SI: variants seen among roughly 807,000 people sequenced by gnomAD.
SI encodes sucrase-isomaltase, intestinal.
Under a neutral mutation model 253.3 loss-of-function variants are expected in SI, and 235 were observed. The ratio of observed to expected loss-of-function variants is 0.93; its 90% CI spans 0.83 to 1.03. The LOEUF is 1.03. Among genes scored for constraint, SI ranks in the 50% least tolerant of loss-of-function variants. The pLI, the probability that SI is intolerant of heterozygous loss-of-function variation, is 0.00. For missense variants in SI, 2,442 were observed against 2,211.1 expected, an observed-to-expected ratio of 1.10 and a Z score of -2.09; for synonymous variants, 819 against 712.0, an observed-to-expected ratio of 1.15 and a Z score of -2.39.
At chr3:165,048,545 A>G (rs533481710) in intron 15 of SI, among the ~76,000 whole-genome samples, 1 of 129,394 alleles carries the variant, frequency 7.7e-6, no homozygotes, top group South Asian at 2.4e-4. Flanking sequence ...TCTTAGTTAA[A>G]TATATATATA....
At chr3:165,000,852 T>C (rs889674354) in intron 37 of SI, among the ~76,000 whole-genome samples, 7 of 151,432 alleles carry the variant, frequency 4.6e-5, no homozygotes, top group African/African-American at 1.2e-4. Flanking sequence ...CCACTTGACA[T>C]TGGAGAGTTC....
chr3:165,035,494 C>T (rs1712486149), intron 22 of SI, among the ~76,000 whole-genome samples: 1 of 151,362 alleles, frequency 6.6e-6, no homozygotes, highest in African/African-American at 2.4e-5. Context: ...TTATAGAATC[C>T]TGTGGTAATT....
intron 31 of SI, among the ~76,000 whole-genome samples, chr3:165,016,827 G>T (rs769665143): frequency 3.3e-5 from 5 of 151,608 alleles, no homozygotes; most frequent in Non-Finnish European, 5.9e-5. Flanking sequence ...AAATTTCCAC[G>T]TGCATGTTTC....
At chr3:164,994,519 GT>G in intron 40 of SI, 114 bp from the exon 41 acceptor site, 1 of 1,097,964 alleles carries the variant, frequency 9.1e-7, no homozygotes, top group Non-Finnish European at 1.4e-6. Context: ...TGATTGTCAT[GT>G]GCTATGTACT....
chr3:165,063,361 T>A, intron 8 of SI, 81 bp downstream of exon 8: 2 of 715,268 alleles, frequency 2.8e-6, no homozygotes, highest in Non-Finnish European at 5.1e-6. Flanking sequence ...TCACATACAA[T>A]ATGAATGATT....
Position 165,046,904 on chromosome 3 carries a change from T to G in SI, c.1824A>C (p.Ser608=), listed in dbSNP as rs199885741. Residue 608 remains serine (S), a synonymous_variant, in exon 16 of 48, where the codon TCA becomes TCC. Coordinates refer to ENST00000264382, the MANE Select transcript of SI (RefSeq NM_001041.4). ...TTATAGACCATTCCATTTGTTCCCA[T>G]GAAGCAGTATTGTCTCCTAACCAAT... ...AAHWLGDNTA[S]WEQMEWSITG... 2 of 1,613,304 alleles carry G rather than the reference T, an allele frequency of 1.2e-6. No homozygotes were observed. The highest frequency in any genetic ancestry group is 2.7e-5 in the African/African-American group (2 of 75,020).
intron 25 of SI, among the ~76,000 whole-genome samples, chr3:165,026,692 G>A (rs950333026): frequency 6.6e-6 from 1 of 151,284 alleles, no homozygotes; most frequent in African/African-American, 2.4e-5. Context: ...GCAAATACAT[G>A]CAAATTAAAT....
chr3:165,013,027 G>A lies in SI; in HGVS notation c.4015C>T (p.Pro1339Ser), dbSNP rs1203735967. ...AGAGTTTTATCTATTGTTATGTTGG[G>A]CAAATCTGGCCAAACCTACAAGAGA... ...ICWAKVWPDLPNITIDKTLTE... is the reference protein window; with the variant it reads ...ICWAKVWPDLSNITIDKTLTE... Residue 1339 changes from proline to serine, a missense_variant, in exon 34 of 48, where the codon CCC (proline) becomes TCC (serine). By Grantham distance (74) the Pro-to-Ser change is moderately conservative. Transcript: ENST00000264382. 4.4e-6 allele frequency: 7 copies of A among 1,608,700 alleles called. No homozygotes were observed. The highest frequency in any genetic ancestry group is 2.7e-5 in the African/African-American group (2 of 74,750).
At chr3:165,044,594 A>AT (rs1357771695) in intron 16 of SI, among the ~76,000 whole-genome samples, 1 of 151,738 alleles carries the variant, frequency 6.6e-6, no homozygotes, top group African/African-American at 2.4e-5. Flanking sequence ...TCTTTTACTT[A>AT]TTTTTCTATT....
At position 165,059,283 on chromosome 3, in the gene SI, T is replaced by C. The variant is rs748610903; in HGVS notation, c.1163A>G (p.Asp388Gly). The change falls in exon 11 of 48, where the codon GAT (aspartate) becomes GGT (glycine). Residue 388 changes from aspartate to glycine, a missense_variant. Transcript: ENST00000264382. ...AGIPFDTQVTDIDYMEDKKDF... is the reference protein window; with the variant it reads ...AGIPFDTQVTGIDYMEDKKDF... ...TTTCTTGTCTTCCATGTAGTCAATATCAGTGACCTGTGTATCCTGAAAGTT... is the reference window on the plus strand; with the variant it reads ...TTTCTTGTCTTCCATGTAGTCAATACCAGTGACCTGTGTATCCTGAAAGTT... The C allele has an allele frequency of 2.5e-6, 4 of 1,612,526 alleles. No individual in the cohort carries two copies. The Admixed American group carries it at 5.0e-5, about 20-fold the overall frequency.
At chr3:165,002,883 AC>A (rs1718319818) in intron 37 of SI, among the ~76,000 whole-genome samples, 1 of 151,788 alleles carries the variant, frequency 6.6e-6, no homozygotes, top group African/African-American at 2.4e-5. Context: ...TGTGATTGAA[AC>A]TTGCACTGAA....
At chr3:165,004,450 A>G (rs992354333) in intron 37 of SI, among the ~76,000 whole-genome samples, 2 of 152,150 alleles carry the variant, frequency 1.3e-5, no homozygotes, top group African/African-American at 4.8e-5. Flanking sequence ...GCTGCTGAAT[A>G]TGCATCCAAA....
intron 13 of SI, among the ~76,000 whole-genome samples, chr3:165,051,438 T>C (rs1285863799): frequency 6.6e-6 from 1 of 152,052 alleles, no homozygotes; most frequent in Non-Finnish European, 1.5e-5. Flanking sequence ...ATTGAGTTAT[T>C]TTTTTGAAAT....
At chr3:165,026,925 G>A (rs753236036) in intron 25 of SI, among the ~76,000 whole-genome samples, 3 of 150,964 alleles carry the variant, frequency 2.0e-5, no homozygotes, top group African/African-American at 4.9e-5. Context: ...AGAGAAACAA[G>A]AACAAATCAA....
intron 13 of SI, among the ~76,000 whole-genome samples, chr3:165,052,589 G>A (rs1163658282): frequency 2.6e-5 from 4 of 152,044 alleles, no homozygotes; most frequent in Admixed American, 6.6e-5. Flanking sequence ...CCTGGGTGGC[G>A]GAGGTTGCAG....
intron 3 of SI, 44 bp downstream of exon 3, chr3:165,074,487 A>G: frequency 8.2e-7 from 1 of 1,225,416 alleles, no homozygotes; most frequent in Non-Finnish European, 1.1e-6. Context: ...TTAATATAAT[A>G]ATGTATATAT....
In SI at chr3:165,018,293, AT is replaced by A. The variant is rs1344119507; in HGVS notation, c.3424-228del. Among the ~76,000 whole-genome samples, 3 of 150,778 alleles carry A rather than the reference AT, an allele frequency of 2.0e-5. No individual in the cohort carries two copies. The Admixed American group carries it at 2.0e-4, about 10-fold the overall frequency. ...AAATATGTTTCTATAATATTTGTAT[AT>A]TAATAGAAATTAATATACAAATATG... On this transcript the variant is annotated intron_variant, in intron 28 of 47. Transcript: ENST00000264382.
At chr3:164,979,867 A>G (rs1717097135) in intron 47 of SI, among the ~76,000 whole-genome samples, 2 of 151,866 alleles carry the variant, frequency 1.3e-5, no homozygotes, top group Non-Finnish European at 2.9e-5. Context: ...AGATTTTATG[A>G]TGCTTCATTT....
chr3:164,992,068 A>C lies in SI; in HGVS notation c.4983+109T>G. ...ATTTACCGGAAATATGTTACTTTCC[A>C]CTCTTTTTAAGTGGAAAGTAAATCC... is the stretch of plus-strand genomic sequence containing the variant. On this transcript the variant is annotated intron_variant, in intron 43 of 47. Coordinates refer to ENST00000264382, the MANE Select transcript of SI (RefSeq NM_001041.4). 3.3e-6 allele frequency: 3 copies of C among 916,474 alleles called. No individual in the cohort carries two copies. In the South Asian group the frequency reaches 4.0e-5, roughly 12 times the overall value. The allele number at this position is 916,474 out of a possible 1,614,324, so 56.8% of individuals were successfully genotyped here. A position where few individuals can be genotyped will look rare whatever the true frequency, so the allele number is the denominator to read the frequency against.
Sources: allele counts gnomAD v4.1 joint callset (sites outside exome capture counted in the v4.1 genomes callset), GRCh38; gene constraint gnomAD v4.1.1; transcripts MANE v1.5; gene names NCBI Gene and HGNC (gene_info 2026-07-23, HGNC 2026-07-21).